The following HERC2 variants were observed in gnomAD, a reference collection of about 807,000 sequenced individuals.
The protein encoded by HERC2 is HECT and RLD domain containing E3 ubiquitin protein ligase 2, also known as E3 ubiquitin-protein ligase HERC2.
Under a neutral mutation model 537.7 loss-of-function variants are expected in HERC2, and 102 were observed. The ratio of observed to expected loss-of-function variants is 0.19; its 90% CI spans 0.16 to 0.22. The LOEUF (loss-of-function observed/expected upper bound fraction) is 0.22, where lower values mean the gene tolerates loss of function less well. HERC2 is among the 10% of genes least tolerant of loss of function. The pLI is 1.00. For missense variants in HERC2, 4,236 were observed against 6,198.2 expected, an observed-to-expected ratio of 0.68 and a Z score of 10.63; for synonymous variants, 2,224 against 2,466.2, an observed-to-expected ratio of 0.90 and a Z score of 2.91.
At chr15:28,172,563 C>T (rs1476196795) in intron 65 of HERC2, among the ~76,000 whole-genome samples, 1 of 152,142 alleles carries the variant, frequency 6.6e-6, no homozygotes, top group Non-Finnish European at 1.5e-5. Context: ...AACAACTGGA[C>T]AATCATGCCA....
intron 66 of HERC2, 129 bp downstream of exon 66, chr15:28,169,355 A>C: frequency 1.6e-6 from 1 of 626,450 alleles, no homozygotes; most frequent in Non-Finnish European, 2.7e-6. Flanking sequence ...CTTGTGACTT[A>C]CAACATACAG....
intron 23 of HERC2, among the ~76,000 whole-genome samples, chr15:28,239,486 C>A (rs1165126358): frequency 6.7e-6 from 1 of 148,704 alleles, no homozygotes; most frequent in Non-Finnish European, 1.5e-5. Flanking sequence ...CCTTCCTGTA[C>A]AAATTGTACC....
intron 38 of HERC2, among the ~76,000 whole-genome samples, chr15:28,218,243 A>G (rs1167744002): frequency 3.9e-5 from 6 of 152,066 alleles, no homozygotes; most frequent in African/African-American, 1.5e-4. Flanking sequence ...AAACTCCAGA[A>G]GCTGGGGCAG....
At chr15:28,119,807 C>A (rs1888684584) in intron 86 of HERC2, among the ~76,000 whole-genome samples, 1 of 152,100 alleles carries the variant, frequency 6.6e-6, no homozygotes, top group Admixed American at 6.5e-5. Context: ...GCATACTGAA[C>A]GTTTTTGTAA....
At chr15:28,272,141 T>C in intron 9 of HERC2, 74 bp downstream of exon 9, 2 of 1,325,752 alleles carry the variant, frequency 1.5e-6, no homozygotes, top group East Asian at 2.4e-5. Context: ...GCCGTTGACA[T>C]GCATGCTAGT....
chr15:28,201,579 C>G (rs750417830), intron 47 of HERC2, 25 bp from the exon 48 acceptor site: 21 of 1,433,236 alleles, frequency 1.5e-5, no homozygotes, highest in East Asian at 4.5e-5. Flanking sequence ...TACATTCAAA[C>G]AAAAAAACAG....
chr15:28,229,077 T>C (rs1901554867), intron 34 of HERC2, 118 bp downstream of exon 34: 6 of 965,802 alleles, frequency 6.2e-6, no homozygotes, highest in South Asian at 2.7e-5. Flanking sequence ...ATTATACAAG[T>C]ACAAAGTACA....
rs1351355314 is a variant in HERC2 at position 28,301,578 on chromosome 15, C to A, written c.73-2062G>T. On this transcript the variant is annotated intron_variant, in intron 2 of 92. Transcript: ENST00000261609. ...ACAGGAAAAGGGAGCATTTCAGACA[C>A]TGGGGGAAGGCATCCATTCTGAAAA... Among the ~76,000 whole-genome samples, 4 of 148,278 alleles carry A rather than the reference C, an allele frequency of 2.7e-5. No homozygotes were observed. The East Asian group carries it at 5.9e-4, about 22-fold the overall frequency.
intron 86 of HERC2, among the ~76,000 whole-genome samples, chr15:28,120,166 G>C (rs1257920625): frequency 1.3e-5 from 2 of 152,214 alleles, no homozygotes; most frequent in Non-Finnish European, 2.9e-5. Flanking sequence ...GCTTTTTTAT[G>C]AACCTAGTTA....
chr15:28,219,636 G>A (rs556728903), intron 37 of HERC2, among the ~76,000 whole-genome samples: 3 of 152,298 alleles, frequency 2.0e-5, no homozygotes, highest in Admixed American at 1.3e-4. Flanking sequence ...AGCCCAGACG[G>A]TGCGCTATGG....
chr15:28,224,797 C>T (rs1426440710), intron 35 of HERC2, among the ~76,000 whole-genome samples: 1 of 152,056 alleles, frequency 6.6e-6, no homozygotes, highest in African/African-American at 2.4e-5. Flanking sequence ...TAAAATCATA[C>T]AAATTACCTT....
intron 89 of HERC2, 108 bp downstream of exon 89, chr15:28,115,321 C>T: frequency 3.3e-6 from 2 of 601,082 alleles, no homozygotes; most frequent in South Asian, 4.6e-5. Context: ...CTCTGCGTCA[C>T]CTGGGCACTG....
intron 2 of HERC2, among the ~76,000 whole-genome samples, chr15:28,306,095 CCATT>C (rs1480512729): frequency 1.3e-5 from 2 of 152,188 alleles, no homozygotes; most frequent in Non-Finnish European, 2.9e-5. Flanking sequence ...GTAAACTAGT[CCATT>C]ATTATATTGA....
At chr15:28,136,320 T>C (rs941509672) in intron 78 of HERC2, among the ~76,000 whole-genome samples, 1 of 78,790 alleles carries the variant, frequency 1.3e-5, no homozygotes, top group African/African-American at 2.9e-5. Context: ...AACGTGCTGC[T>C]GCACTGACAT....
Position 28,220,495 on chromosome 15 carries a change from A to G in HERC2, c.5802T>C (p.Ala1934=). 6.2e-7 allele frequency: 1 copy of G among 1,604,660 alleles called. No individual in the cohort carries two copies. The highest frequency in any genetic ancestry group is 8.5e-7 in the Non-Finnish European group (1 of 1,179,808). Residue 1934 remains alanine (A), a synonymous_variant, in exon 37 of 93, where the codon GCT becomes GCC. Coordinates refer to ENST00000261609, the MANE Select transcript of HERC2 (RefSeq NM_004667.6). ...YDLKLAELPA[A]AQPSAEDSDT... is the part of the protein sequence containing the mutation. ...CCGAATCCTCTGCTGAGGGCTGTGCAGCAGCCGGCAGCTCTGCCAGCTTGA... is the reference window on the plus strand; with the variant it reads ...CCGAATCCTCTGCTGAGGGCTGTGCGGCAGCCGGCAGCTCTGCCAGCTTGA...
chr15:28,205,034 C>T (rs1024822964), intron 45 of HERC2, among the ~76,000 whole-genome samples: 4 of 149,062 alleles, frequency 2.7e-5, no homozygotes, highest in African/African-American at 1.0e-4. Context: ...GTGGGGTGGG[C>T]GGGGTGTGCC....
At chr15:28,280,942 A>T (rs1483679050) in intron 4 of HERC2, among the ~76,000 whole-genome samples, 1 of 152,062 alleles carries the variant, frequency 6.6e-6, no homozygotes, top group East Asian at 1.9e-4. Flanking sequence ...CAGAACTTTG[A>T]AGTCAATATT....
intron 68 of HERC2, 101 bp from the exon 69 acceptor site, chr15:28,163,386 C>A (rs760841270): frequency 1.9e-6 from 2 of 1,045,802 alleles, no homozygotes; most frequent in South Asian, 1.5e-5. Context: ...TGAATACCAA[C>A]GAGTAAGAAA....
intron 86 of HERC2, chr15:28,118,401 A>G (rs1479882271): frequency 6.6e-6 from 1 of 152,294 alleles, no homozygotes; most frequent in Non-Finnish European, 1.5e-5. Flanking sequence ...CCTGCGGGAC[A>G]GCACTTTCTC....
Sources: gnomAD v4.1 joint callset for allele counts (sites outside exome capture counted in the v4.1 genomes callset) on GRCh38, gnomAD v4.1.1 for gene constraint, MANE v1.5 for transcripts, NCBI Gene and HGNC (gene_info 2026-07-23, HGNC 2026-07-21) for gene names.